Variants in CMYA5 observed in about 807,000 individuals in gnomAD.
CMYA5 encodes the protein cardiomyopathy-associated protein 5.
A neutral mutation model predicts 318.9 loss-of-function variants in CMYA5; 246 were observed. The observed-to-expected ratio is 0.77, with a 90% CI of 0.70 to 0.86. The LOEUF (loss-of-function observed/expected upper bound fraction) is 0.86, where lower values mean the gene tolerates loss of function less well. CMYA5 is among the 40% of genes least tolerant of loss of function. The pLI, the probability that CMYA5 is intolerant of heterozygous loss-of-function variation, is 0.00. For missense variants in CMYA5, 4,589 were observed against 4,678.2 expected (o/e 0.98, Z 0.56); for synonymous variants, 1,641 against 1,729.5 (o/e 0.95, Z 1.27).
intron 1 of CMYA5, among the ~76,000 whole-genome samples, chr5:79,701,383 A>AAAATAAAT (rs1827172543): frequency 6.6e-6 from 1 of 152,240 alleles, no homozygotes; most frequent in African/African-American, 2.4e-5. Flanking sequence ...GGGTAAAGAA[A>AAAATAAAT]AAATAAATGT....
intron 9 of CMYA5, among the ~76,000 whole-genome samples, chr5:79,773,174 G>A (rs1177872890): frequency 6.6e-6 from 1 of 152,184 alleles, no homozygotes; most frequent in Non-Finnish European, 1.5e-5. Flanking sequence ...TCATCTCAGT[G>A]CCTATGACAG....
chr5:79,746,228 C>T (rs1828319220), intron 4 of CMYA5, among the ~76,000 whole-genome samples: 1 of 152,170 alleles, frequency 6.6e-6, no homozygotes, highest in East Asian at 1.9e-4. Flanking sequence ...GGGAACCTCC[C>T]TTTCAAAGTT....
chr5:79,750,780 G>A (rs957325201), intron 5 of CMYA5, among the ~76,000 whole-genome samples: 3 of 152,094 alleles, frequency 2.0e-5, no homozygotes, highest in South Asian at 2.1e-4. Flanking sequence ...TGCAACCATT[G>A]TAAGACCTGC....
chr5:79,762,432 TAAAC>T (rs1828670385), intron 8 of CMYA5: 1 of 153,950 alleles, frequency 6.5e-6, no homozygotes, highest in Non-Finnish European at 1.4e-5. Context: ...TTCTTAGACT[TAAAC>T]AAAGGAAAGA....
intron 11 of CMYA5, 23 bp from the exon 12 acceptor site, chr5:79,793,414 A>G (rs1829212200): frequency 6.2e-7 from 1 of 1,602,612 alleles, no homozygotes; most frequent in Non-Finnish European, 8.5e-7. Context: ...CACTGAGCAT[A>G]CTCTGATTGA....
chr5:79,737,445 C>G lies in CMYA5; in HGVS notation c.8680C>G (p.Gln2894Glu), dbSNP rs777625056. 6.2e-7 allele frequency: 1 copy of G among 1,613,804 alleles called. No homozygotes were observed. The highest frequency in any genetic ancestry group is 1.1e-5 in the South Asian group (1 of 91,060). Reference sequence around the variant, plus strand: ...GTCTTCAGCAAAAAGCAACTATGCTCAATTTATATCTAATACATCAGCAAG... The same window carrying G: ...GTCTTCAGCAAAAAGCAACTATGCTGAATTTATATCTAATACATCAGCAAG... ...PLSSAKSNYA[Q>E]FISNTSASNA... Residue 2894 changes from glutamine to glutamate, a missense_variant, in exon 2 of 13, where the codon CAA becomes GAA. Gln to Glu is a conservative substitution (Grantham distance 29). Coordinates refer to ENST00000446378, the MANE Select transcript of CMYA5 (RefSeq NM_153610.5).
In CMYA5 at chr5:79,733,006, CAGA is replaced by C. The variant is rs1263204048; in HGVS notation, c.4248_4250del (p.Glu1416del). 5.0e-6 allele frequency: 8 copies of C among 1,613,112 alleles called. No homozygotes were observed. The highest frequency in any genetic ancestry group is 4.5e-5 in the East Asian group (2 of 44,874). ...TCTGCAGATGAACATTCAGTTCTTG[CAGA>C]AGAAGACAAGGTGGCAATTAAAGGT... On this transcript the variant is annotated inframe_deletion, in exon 2 of 13. Transcript: ENST00000446378.
In CMYA5 at chr5:79,736,296, G is replaced by A. The variant is rs767614826; in HGVS notation, c.7531G>A (p.Asp2511Asn). The change falls in exon 2 of 13, where the codon GAT becomes AAT. Residue 2511 changes from aspartate (D) to asparagine (N), a missense_variant. Coordinates refer to ENST00000446378, the MANE Select transcript of CMYA5 (RefSeq NM_153610.5). ...TACTGAACTGAAAGAATCAAAAGCC[G>A]ATGCTATGCCACAGCACTTCTATCA... ...RSTELKESKA[D>N]AMPQHFYQNE... The A allele has an allele frequency of 5.1e-5, 83 of 1,613,100 alleles. 1 individual carries two copies. In the Middle Eastern group the frequency reaches 1.2e-3, roughly 22 times the overall value.
rs570907763 is a variant in CMYA5 at position 79,730,319 on chromosome 5, C to T, written c.1554C>T (p.Thr518=). The T allele has an allele frequency of 7.9e-5, 127 of 1,613,658 alleles. 2 individuals carry two copies. In the South Asian group the frequency reaches 1.4e-3, roughly 17 times the overall value. ...EIETSLPIAI[T]PEPEDSNLVE... The stretch of plus-strand genomic sequence containing the variant: ...AAACTTCCCTACCCATAGCTATTAC[C>T]CCTGAACCTGAAGATTCTAATTTAG... Residue 518 remains threonine (T), a synonymous_variant, in exon 2 of 13, where the codon ACC becomes ACT. Coordinates refer to ENST00000446378, the MANE Select transcript of CMYA5 (RefSeq NM_153610.5).
intron 12 of CMYA5, among the ~76,000 whole-genome samples, chr5:79,798,689 A>G (rs1010055419): frequency 6.6e-5 from 10 of 152,162 alleles, no homozygotes; most frequent in Non-Finnish European, 1.3e-4. Flanking sequence ...CATGTCCTTC[A>G]CATGCCCCAG....
At chr5:79,789,138 C>T in intron 10 of CMYA5, 34 bp downstream of exon 10, 1 of 1,610,280 alleles carries the variant, frequency 6.2e-7, no homozygotes, top group South Asian at 1.1e-5. Flanking sequence ...GAGCTATTTC[C>T]AAGCTATTTC....
intron 9 of CMYA5, among the ~76,000 whole-genome samples, chr5:79,776,850 C>T (rs200870349): frequency 6.6e-6 from 1 of 152,168 alleles, no homozygotes; most frequent in East Asian, 1.9e-4. Context: ...TAGGCTGCTC[C>T]TAGGAATCAC....
chr5:79,746,992 C>T, intron 4 of CMYA5, 99 bp from the exon 5 acceptor site: 2 of 744,604 alleles, frequency 2.7e-6, no homozygotes, highest in South Asian at 3.3e-5. Flanking sequence ...CTTAATGCTC[C>T]TGGTTGTTTT....
chr5:79,717,371 A>G (rs984593084), intron 1 of CMYA5, among the ~76,000 whole-genome samples: 1 of 152,196 alleles, frequency 6.6e-6, no homozygotes, highest in African/African-American at 2.4e-5. Context: ...AGTCTTATAA[A>G]GGAGCTAAGA....
chr5:79,705,715 G>T (rs1827257481), intron 1 of CMYA5, among the ~76,000 whole-genome samples: 1 of 152,166 alleles, frequency 6.6e-6, no homozygotes, highest in South Asian at 2.1e-4. Context: ...ATTTCAGTTT[G>T]ATCTCACCAA....
rs1024607100 is a variant in CMYA5, at chr5:79,738,513, G to A, written c.9748G>A (p.Asp3250Asn). The A allele has an allele frequency of 4.3e-6, 7 of 1,613,296 alleles. No homozygotes were observed. In the African/African-American group the frequency reaches 8.0e-5, roughly 18 times the overall value. The change falls in exon 2 of 13, where the codon GAC becomes AAC. Residue 3250 changes from aspartate to asparagine, a missense_variant. By Grantham distance (23) the Asp-to-Asn change is conservative. Around this residue, in one of 3 missense-constraint regions of CMYA5, gnomAD observed 2,431 missense variants for 2,495.1 expected, o/e 0.97. Transcript: ENST00000446378. ...CATACTCAAAGATGACATTCTCCATGACACATCTCTAACTCAAAAGGACCA... is the reference window on the plus strand; with the variant it reads ...CATACTCAAAGATGACATTCTCCATAACACATCTCTAACTCAAAAGGACCA... ...KYILKDDILH[D>N]TSLTQKDQGQ...
rs75959674 is a variant in CMYA5, at chr5:79,713,124, C to G, written c.150-15791C>G. Among the ~76,000 whole-genome samples, 18 of 152,270 alleles carry G rather than the reference C, an allele frequency of 1.2e-4. No individual in the cohort carries two copies. The East Asian group carries it at 3.5e-3, about 29-fold the overall frequency. ...GTTGGTGTTGCCTATGGTTGAGTGTCTTTTCTCACTCTTGAGTCTGCCTTC... is the reference window on the plus strand; with the variant it reads ...GTTGGTGTTGCCTATGGTTGAGTGTGTTTTCTCACTCTTGAGTCTGCCTTC... On this transcript the variant is annotated intron_variant, in intron 1 of 12. Coordinates refer to ENST00000446378, the MANE Select transcript of CMYA5 (RefSeq NM_153610.5).
chr5:79,695,063 G>A (rs1020733240), intron 1 of CMYA5, among the ~76,000 whole-genome samples: 3 of 152,184 alleles, frequency 2.0e-5, no homozygotes, highest in African/African-American at 7.2e-5. Flanking sequence ...ACTAAAAAGT[G>A]TAGGACATAC....
At chr5:79,743,729 T>C in intron 2 of CMYA5, 98 bp from the exon 3 acceptor site, 1 of 623,972 alleles carries the variant, frequency 1.6e-6, no homozygotes, top group Admixed American at 3.2e-5. Context: ...AGTAAGTCTC[T>C]ACGAAACATA....
Sources: allele counts gnomAD v4.1 joint callset (sites outside exome capture counted in the v4.1 genomes callset), GRCh38; gene constraint gnomAD v4.1.1; regional missense constraint gnomAD v4.1.1; transcripts MANE v1.5; gene names NCBI Gene and HGNC (gene_info 2026-07-23, HGNC 2026-07-21).